LURAP1L: variants seen among roughly 807,000 people sequenced by gnomAD.
LURAP1L encodes leucine rich adaptor protein 1-like.
Under a neutral mutation model 13.8 loss-of-function variants are expected in LURAP1L, and 12 were observed. That is an observed-to-expected ratio of 0.87 (90% CI 0.56 to 1.41). The LOEUF is 1.41. Among genes scored for constraint, LURAP1L ranks in the 40% most tolerant of loss-of-function variants. LURAP1L has a pLI of 0.00. For missense variants in LURAP1L, 375 were observed against 292.9 expected (o/e 1.28, Z -2.04); for synonymous variants, 139 against 119.2 (o/e 1.17, Z -1.08).
intron 1 of LURAP1L, among the ~76,000 whole-genome samples, chr9:12,812,247 A>C (rs918151796): frequency 6.6e-6 from 1 of 152,174 alleles, no homozygotes; most frequent in African/African-American, 2.4e-5. Context: ...TTATTGGGAG[A>C]TATCTTTGAG....
intron 1 of LURAP1L, among the ~76,000 whole-genome samples, chr9:12,820,500 C>A (rs1480787417): frequency 4.7e-4 from 3 of 6,358 alleles, no homozygotes; most frequent in East Asian, 3.1e-3. Flanking sequence ...GAGACTCCGT[C>A]CCCCCCCCCC....
rs1819889689 is a variant in LURAP1L, at chr9:12,822,097, A to G, written c.*337A>G. 1 of 200,046 alleles carries G rather than the reference A, an allele frequency of 5.0e-6. No homozygotes were observed. Among genetic ancestry groups the G allele is most frequent in the African/African-American group, 2.3e-5 (1 of 42,946 alleles). 12.4% of individuals were successfully genotyped at this position (200,046 alleles called of 1,614,324 possible). On this transcript the variant is annotated 3_prime_UTR_variant, in exon 2 of 2. Transcript: ENST00000319264. The stretch of plus-strand genomic sequence containing the variant: ...AGGGATTACAAGAAAAACTTTGCTA[A>G]ATTTTACAATAAACCAAAGTCTGAT...
Position 12,811,836 on chromosome 9 carries a change from A to C in LURAP1L, c.313-9550A>C, listed in dbSNP as rs776140963. Reference sequence around the variant, plus strand: ...GGGAGTCTGGGCACAGATCAAGTGAAGGCCCCTGGATCGGGGTCTCTCACA... The same window carrying C: ...GGGAGTCTGGGCACAGATCAAGTGACGGCCCCTGGATCGGGGTCTCTCACA... On this transcript the variant is annotated intron_variant, in intron 1 of 1. Coordinates refer to ENST00000319264, the MANE Select transcript of LURAP1L (RefSeq NM_203403.2). Among the ~76,000 whole-genome samples, 28 of 152,198 alleles carry C rather than the reference A, an allele frequency of 1.8e-4. 1 individual carries two copies. Among genetic ancestry groups the C allele is most frequent in the Middle Eastern group, 6.3e-3 (2 of 316 alleles).
chr9:12,788,156 A>AAAGC (rs1180929011), intron 1 of LURAP1L, among the ~76,000 whole-genome samples: 1 of 139,818 alleles, frequency 7.2e-6, no homozygotes, highest in Non-Finnish European at 1.5e-5. Flanking sequence ...AAGAAGAAAG[A>AAAGC]AAGAAAGAAA....
chr9:12,776,119 G>A, intron 1 of LURAP1L, 92 bp downstream of exon 1: 2 of 1,318,976 alleles, frequency 1.5e-6, no homozygotes, highest in South Asian at 1.3e-5. Flanking sequence ...GAGGACGGCA[G>A]GGGCTGCAGA....
intron 1 of LURAP1L, 63 bp downstream of exon 1, chr9:12,776,090 TG>T: frequency 6.7e-7 from 1 of 1,502,524 alleles, no homozygotes; most frequent in African/African-American, 1.4e-5. Flanking sequence ...TGGGGCGATC[TG>T]AGAATGGGGC....
At chr9:12,782,041 G>A (rs1218110947) in intron 1 of LURAP1L, among the ~76,000 whole-genome samples, 2 of 152,196 alleles carry the variant, frequency 1.3e-5, no homozygotes, top group South Asian at 2.1e-4. Flanking sequence ...ATACCTGATT[G>A]TCATTTGGAT....
intron 1 of LURAP1L, among the ~76,000 whole-genome samples, chr9:12,788,171 G>GAAAGAAAA (rs1819386706): frequency 6.8e-6 from 1 of 146,412 alleles, no homozygotes; most frequent in Non-Finnish European, 1.5e-5. Flanking sequence ...AAGAAAGAAA[G>GAAAGAAAA]AAAGAAAGAA....
chr9:12,777,523 C>T (rs1819205555), intron 1 of LURAP1L: 1 of 980,308 alleles, frequency 1.0e-6, no homozygotes, highest in Non-Finnish European at 1.2e-6. Flanking sequence ...TGTAATTTTA[C>T]CCATGGAATG....
Position 12,822,778 on chromosome 9 carries a change from T to G in LURAP1L, c.*1018T>G, listed in dbSNP as rs2118562655. Reference sequence around the variant, plus strand: ...ATATTTAACGCACATAGACAGTGGATATTTACTTTAAATATAATGTTATTA... The same window carrying G: ...ATATTTAACGCACATAGACAGTGGAGATTTACTTTAAATATAATGTTATTA... On this transcript the variant is annotated 3_prime_UTR_variant, in exon 2 of 2. Transcript: ENST00000319264. Among the ~76,000 whole-genome samples the G allele has an allele frequency of 6.6e-6, 1 of 152,324 alleles. No homozygotes were observed. Among genetic ancestry groups the G allele is most frequent in the African/African-American group, 2.4e-5 (1 of 41,590 alleles).
chr9:12,786,547 CATATAT>C lies in LURAP1L; in HGVS notation c.312+10550_312+10555del, dbSNP rs67654649. Among the ~76,000 whole-genome samples, 173 of 53,026 alleles carry C rather than the reference CATATAT, an allele frequency of 3.3e-3. 7 individuals are homozygous for C. The highest frequency in any genetic ancestry group is 6.8e-3 in the African/African-American group (83 of 12,206). 34.8% of individuals were successfully genotyped at this position (53,026 alleles called of 152,430 possible). A position where few individuals can be genotyped will look rare whatever the true frequency, so the allele number is the denominator to read the frequency against. On this transcript the variant is annotated intron_variant, in intron 1 of 1. Coordinates refer to ENST00000319264, the MANE Select transcript of LURAP1L (RefSeq NM_203403.2). Reference sequence around the variant, plus strand: ...AAATGGCTAACATGTATATATATGACATATATATATATATATATATATATATATATA... The same window carrying C: ...AAATGGCTAACATGTATATATATGACATATATATATATATATATATATATA...
chr9:12,807,020 CAAAAAAA>C lies in LURAP1L; in HGVS notation c.313-14347_313-14341del, dbSNP rs71329888. The stretch of plus-strand genomic sequence containing the variant: ...TGGGCGACAGAGCCAGACTCCGTCT[CAAAAAAA>C]AAAAAAAAAAAAAAAAAATGAGACT... On this transcript the variant is annotated intron_variant, in intron 1 of 1. Transcript: ENST00000319264. Among the ~76,000 whole-genome samples the C allele has an allele frequency of 5.5e-3, 121 of 21,880 alleles. 1 individual carries two copies. Among genetic ancestry groups the C allele is most frequent in the African/African-American group, 0.019 (109 of 5,854 alleles). The allele number at this position is 21,880 out of a possible 152,430, so 14.4% of individuals were successfully genotyped here.
At chr9:12,782,306 G>C (rs1819284219) in intron 1 of LURAP1L, among the ~76,000 whole-genome samples, 1 of 152,158 alleles carries the variant, frequency 6.6e-6, no homozygotes, top group African/African-American at 2.4e-5. Flanking sequence ...TATGCTTATG[G>C]GATATTCCTC....
At chr9:12,783,223 A>G (rs973264590) in intron 1 of LURAP1L, among the ~76,000 whole-genome samples, 12 of 152,190 alleles carry the variant, frequency 7.9e-5, no homozygotes, top group Admixed American at 1.3e-4. Context: ...TGATTGCTCT[A>G]TCTAGGACTT....
At chr9:12,803,068 C>T (rs1285784689) in intron 1 of LURAP1L, among the ~76,000 whole-genome samples, 1 of 152,186 alleles carries the variant, frequency 6.6e-6, no homozygotes, top group Non-Finnish European at 1.5e-5. Context: ...CCTCTCTCAT[C>T]GATTTCTTCA....
intron 1 of LURAP1L, among the ~76,000 whole-genome samples, chr9:12,809,145 T>A (rs969670729): frequency 2.0e-5 from 3 of 152,148 alleles, no homozygotes; most frequent in Non-Finnish European, 4.4e-5. Context: ...AGGAGGGCAC[T>A]AAGCCATCCC....
chr9:12,803,613 T>C (rs1255154462), intron 1 of LURAP1L, among the ~76,000 whole-genome samples: 1 of 152,172 alleles, frequency 6.6e-6, no homozygotes, highest in Non-Finnish European at 1.5e-5. Context: ...GAGAGCAAAC[T>C]CTCACATGTC....
intron 1 of LURAP1L, among the ~76,000 whole-genome samples, chr9:12,820,030 T>C (rs1258745719): frequency 1.3e-5 from 2 of 152,190 alleles, no homozygotes; most frequent in Non-Finnish European, 2.9e-5. Flanking sequence ...CCAGGCTCTG[T>C]ACTCGAGCCA....
At chr9:12,783,120 T>C (rs1359149666) in intron 1 of LURAP1L, among the ~76,000 whole-genome samples, 1 of 152,148 alleles carries the variant, frequency 6.6e-6, no homozygotes, top group African/African-American at 2.4e-5. Context: ...AGTCTTCAGG[T>C]TTTTCCATAT....
Sources: allele counts gnomAD v4.1 joint callset (sites outside exome capture counted in the v4.1 genomes callset), GRCh38; gene constraint gnomAD v4.1.1; transcripts MANE v1.5; gene names NCBI Gene and HGNC (gene_info 2026-07-23, HGNC 2026-07-21).